MAPK8: variants seen among roughly 807,000 people sequenced by gnomAD.
The protein encoded by MAPK8 is JUN N-terminal kinase.
In MAPK8, 13 loss-of-function variants were observed where a neutral mutation model predicts 52.9. That is an observed-to-expected ratio of 0.25 (90% confidence interval 0.16 to 0.39). The LOEUF is 0.39. Among genes scored for constraint, MAPK8 ranks in the 10% least tolerant of loss-of-function variants. The pLI, the probability that MAPK8 is intolerant of heterozygous loss-of-function variation, is 1.00. For synonymous variants in MAPK8, 191 were observed against 169.8 expected (o/e 1.12, Z -0.97); for missense variants, 300 against 519.2 (o/e 0.58, Z 4.10).
At chr10:48,426,608 C>A in intron 9 of MAPK8, 104 bp downstream of exon 9, 1 of 1,025,144 alleles carries the variant, frequency 9.8e-7, no homozygotes, top group Non-Finnish European at 1.4e-6. Flanking sequence ...AATGTAGATA[C>A]ATGATGATGA....
At chr10:48,325,004 C>G (rs976659498) in intron 1 of MAPK8, among the ~76,000 whole-genome samples, 3 of 149,098 alleles carry the variant, frequency 2.0e-5, no homozygotes, top group African/African-American at 7.5e-5. Flanking sequence ...GAGATGGAGT[C>G]TTGCTCTGTC....
At chr10:48,386,509 T>G (rs566995028) in intron 1 of MAPK8, among the ~76,000 whole-genome samples, 1 of 152,350 alleles carries the variant, frequency 6.6e-6, no homozygotes, top group East Asian at 1.9e-4. Context: ...ATAATCTACA[T>G]GCAGTTGAGC....
At chr10:48,380,518 G>A (rs1315901537) in intron 1 of MAPK8, among the ~76,000 whole-genome samples, 1 of 151,084 alleles carries the variant, frequency 6.6e-6, no homozygotes, top group African/African-American at 2.4e-5. Flanking sequence ...GATCACCTGA[G>A]GTCAGGGGTT....
intron 1 of MAPK8, among the ~76,000 whole-genome samples, chr10:48,388,665 G>C (rs950030851): frequency 1.3e-5 from 2 of 152,106 alleles, no homozygotes; most frequent in African/African-American, 4.8e-5. Context: ...AATCTCAATT[G>C]TGAGATTACA....
At chr10:48,402,501 G>A (rs1332026802) in intron 2 of MAPK8, among the ~76,000 whole-genome samples, 1 of 152,128 alleles carries the variant, frequency 6.6e-6, no homozygotes, top group Non-Finnish European at 1.5e-5. Flanking sequence ...TTCTACAAAA[G>A]CCTCAGGCTA....
intron 1 of MAPK8, among the ~76,000 whole-genome samples, chr10:48,335,085 G>A (rs555549397): frequency 1.3e-5 from 2 of 152,276 alleles, no homozygotes; most frequent in East Asian, 3.9e-4. Flanking sequence ...CTTTCTAGGT[G>A]CATGAGCTGT....
At chr10:48,320,595 T>G (rs1842908700) in intron 1 of MAPK8, among the ~76,000 whole-genome samples, 1 of 152,314 alleles carries the variant, frequency 6.6e-6, no homozygotes, top group Non-Finnish European at 1.5e-5. Flanking sequence ...CACATTTTAT[T>G]TACCTACACT....
intron 1 of MAPK8, among the ~76,000 whole-genome samples, chr10:48,325,429 A>G (rs1843417971): frequency 6.6e-6 from 1 of 152,238 alleles, no homozygotes; most frequent in South Asian, 2.1e-4. Context: ...GTCATCTTCA[A>G]AAAGTGGCAC....
intron 6 of MAPK8, among the ~76,000 whole-genome samples, chr10:48,420,787 A>T (rs2043308949): frequency 1.3e-5 from 2 of 152,218 alleles, no homozygotes; most frequent in Non-Finnish European, 2.9e-5. Context: ...GCTGATGGAT[A>T]ATTAAGGTGA....
chr10:48,329,595 T>C (rs940504191), intron 1 of MAPK8, among the ~76,000 whole-genome samples: 22 of 152,178 alleles, frequency 1.4e-4, no homozygotes, highest in Non-Finnish European at 2.4e-4. Context: ...AAAGAATAAG[T>C]GAAAACACTT....
In MAPK8 at chr10:48,397,017, A is replaced by G. The variant is rs2041920332; in HGVS notation, c.-49-4595A>G. Among the ~76,000 whole-genome samples the G allele has an allele frequency of 2.0e-5, 3 of 152,270 alleles. No homozygotes were observed. In the South Asian group the frequency reaches 6.2e-4, roughly 31 times the overall value. ...GTTTCTGGGTACCTTTCACCCAGCA[A>G]CAGCATTTGACAAACCATAGTACAA... On this transcript the variant is annotated intron_variant, in intron 1 of 11. Transcript: ENST00000374189.
intron 8 of MAPK8, 77 bp downstream of exon 8, chr10:48,426,147 T>C: frequency 8.0e-7 from 1 of 1,254,260 alleles, no homozygotes; most frequent in East Asian, 2.4e-5. Context: ...TGTTTATATG[T>C]ATTCATATTC....
At chr10:48,417,180 A>G (rs1013766885) in intron 5 of MAPK8, among the ~76,000 whole-genome samples, 1 of 152,262 alleles carries the variant, frequency 6.6e-6, no homozygotes, top group African/African-American at 2.4e-5. Flanking sequence ...TTTGAAGTGT[A>G]GAAGGATCAT....
rs1310222220 is a variant in MAPK8 at position 48,438,949 on chromosome 10, T to C, written c.*3920T>C. On this transcript the variant is annotated 3_prime_UTR_variant, in exon 12 of 12. Coordinates refer to ENST00000374189, the MANE Select transcript of MAPK8 (RefSeq NM_001323329.2). ...AAATAAATTACTTTTGTAGGCCCAA[T>C]ATTTGGTATATTTTTGAGAAGCTGT... 2 of 152,204 alleles carry C rather than the reference T, an allele frequency of 1.3e-5. No individual in the cohort carries two copies. The highest frequency in any genetic ancestry group is 2.4e-5 in the African/African-American group (1 of 41,452). 9.4% of individuals were successfully genotyped at this position (152,204 alleles called of 1,614,324 possible).
At chr10:48,310,753 G>GTA (rs1018491297) in intron 1 of MAPK8, among the ~76,000 whole-genome samples, 3 of 148,128 alleles carry the variant, frequency 2.0e-5, no homozygotes, top group Admixed American at 1.4e-4. Flanking sequence ...GTGTGTGTGT[G>GTA]TATGTGTGTA....
chr10:48,413,815 T>TCATA (rs1554832942), intron 5 of MAPK8, among the ~76,000 whole-genome samples: 5 of 48,378 alleles, frequency 1.0e-4, no homozygotes, highest in Admixed American at 6.2e-4. Flanking sequence ...GCCAGAATTG[T>TCATA]TATATATATA....
intron 10 of MAPK8, chr10:48,430,305 G>C (rs1171079278): frequency 6.6e-6 from 1 of 152,124 alleles, no homozygotes; most frequent in African/African-American, 2.4e-5. Context: ...TGTTGGTCAG[G>C]CTTGTCTCAA....
At chr10:48,398,300 GAACTGAAT>G (rs1168074792) in intron 1 of MAPK8, among the ~76,000 whole-genome samples, 1 of 152,094 alleles carries the variant, frequency 6.6e-6, no homozygotes. Flanking sequence ...ATAGGGAAAA[GAACTGAAT>G]AGCTATTTCA....
rs2042413808 is a variant in MAPK8 at position 48,405,445 on chromosome 10, T to G, written c.252+464T>G. 2.6e-5 allele frequency among the ~76,000 whole-genome samples: 4 copies of G among 152,194 alleles called. No homozygotes were observed. In the South Asian group the frequency reaches 8.3e-4, roughly 32 times the overall value. ...CCACCTCTTTAAGTGATGGCAGTAT[T>G]CACTGATCACTTTATGATGAGGATA... On this transcript the variant is annotated intron_variant, in intron 3 of 11. Transcript: ENST00000374189.
Sources: allele counts gnomAD v4.1 joint callset (sites outside exome capture counted in the v4.1 genomes callset), GRCh38; gene constraint gnomAD v4.1.1; transcripts MANE v1.5; gene names NCBI Gene and HGNC (gene_info 2026-07-23, HGNC 2026-07-21).